The following ALDH1A1 variants were observed in gnomAD, a reference collection of about 807,000 sequenced individuals.
ALDH1A1 encodes the protein aldehyde dehydrogenase 1 family member A1.
Under a neutral mutation model 62.1 loss-of-function variants are expected in ALDH1A1, and 19 were observed. The observed-to-expected ratio is 0.31, with a 90% CI of 0.21 to 0.45. The LOEUF is 0.45. Ranked by LOEUF, ALDH1A1 falls within the 20% of genes least tolerant of loss-of-function variation. The probability of loss-of-function intolerance (pLI) is 1.00; values close to 1 mark genes in which losing one functional copy is unlikely to be tolerated. For missense variants in ALDH1A1, 521 were observed against 607.1 expected (o/e 0.86, Z 1.49); for synonymous variants, 231 against 215.9 (o/e 1.07, Z -0.61).
chr9:72,937,085 C>T (rs148652443), intron 2 of ALDH1A1, among the ~76,000 whole-genome samples: 36 of 152,060 alleles, frequency 2.4e-4, no homozygotes, highest in African/African-American at 8.7e-4. Flanking sequence ...TCTGCCATAG[C>T]CAATAGTCAG....
chr9:72,926,415 A>C (rs1387515941), intron 5 of ALDH1A1, among the ~76,000 whole-genome samples: 2 of 152,228 alleles, frequency 1.3e-5, no homozygotes, highest in African/African-American at 2.4e-5. Flanking sequence ...ATTTCTTCAC[A>C]TAAGGACTTC....
intron 1 of ALDH1A1, 110 bp downstream of exon 1, chr9:72,952,825 T>C: frequency 1.6e-6 from 2 of 1,250,052 alleles, no homozygotes; most frequent in East Asian, 5.0e-5. Context: ...TTTATTTTTA[T>C]ATTTGCAAAG....
chr9:72,915,811 C>T (rs763963239), intron 9 of ALDH1A1, among the ~76,000 whole-genome samples: 3 of 152,148 alleles, frequency 2.0e-5, no homozygotes, highest in Non-Finnish European at 4.4e-5. Context: ...TTTGGCATTG[C>T]CAGGTACCCA....
chr9:72,917,549 G>T (rs566470071), intron 8 of ALDH1A1, among the ~76,000 whole-genome samples: 3 of 152,154 alleles, frequency 2.0e-5, no homozygotes, highest in African/African-American at 7.2e-5. Context: ...AACAGGAAAT[G>T]TGATCTTTGT....
At chr9:72,920,205 A>G (rs1021651687) in intron 7 of ALDH1A1, among the ~76,000 whole-genome samples, 2 of 152,208 alleles carry the variant, frequency 1.3e-5, no homozygotes, top group Admixed American at 6.5e-5. Flanking sequence ...TGTGAATTAC[A>G]GAATAGGGCA....
chr9:72,942,577 G>C (rs1830427584), intron 1 of ALDH1A1, among the ~76,000 whole-genome samples: 1 of 152,048 alleles, frequency 6.6e-6, no homozygotes. Flanking sequence ...GCCCTCCTCA[G>C]AATACTTTAG....
rs571253117 is a variant in ALDH1A1, at chr9:72,905,421, T to C, written c.1433+537A>G. ...TGTTTTCCTCAAATTTCCTTTTAGG[T>C]TTAAGTTTTAATACTAAAAATAACT... On this transcript the variant is annotated intron_variant, in intron 12 of 12. Transcript: ENST00000297785. Among the ~76,000 whole-genome samples the C allele has an allele frequency of 5.3e-5, 8 of 152,212 alleles. No homozygotes were observed. In the South Asian group the frequency reaches 1.7e-3, roughly 32 times the overall value.
At chr9:72,925,635 A>G (rs1830195510) in intron 5 of ALDH1A1, 23 bp from the exon 6 acceptor site, 2 of 1,608,400 alleles carry the variant, frequency 1.2e-6, no homozygotes, top group African/African-American at 1.3e-5. Flanking sequence ...ATGTAACAAT[A>G]GATTCTTTGT....
At chr9:72,912,645 TC>T (rs1830006795) in intron 9 of ALDH1A1, among the ~76,000 whole-genome samples, 1 of 152,134 alleles carries the variant, frequency 6.6e-6, no homozygotes, top group Admixed American at 6.6e-5. Flanking sequence ...CCCTTGGATA[TC>T]CCATTCTGAC....
Position 72,903,120 on chromosome 9 carries a change from C to T in ALDH1A1, c.1434-1840G>A, listed in dbSNP as rs539530367. 1.0e-3 allele frequency among the ~76,000 whole-genome samples: 158 copies of T among 152,088 alleles called. 1 individual carries two copies. The highest frequency in any genetic ancestry group is 2.1e-3 in the East Asian group (11 of 5,178). ...AAAATTCATTTGTGTTCTCACTATA[C>T]GACCATTAGTTTACACTTCCTTGCT... On this transcript the variant is annotated intron_variant, in intron 12 of 12. Transcript: ENST00000297785.
chr9:72,932,851 A>G (rs1357004883), intron 2 of ALDH1A1, among the ~76,000 whole-genome samples: 1 of 152,204 alleles, frequency 6.6e-6, no homozygotes, highest in African/African-American at 2.4e-5. Context: ...GTGTTTAAAC[A>G]GATCTGTATG....
Position 72,930,924 on chromosome 9 carries a change from T to C in ALDH1A1, c.267A>G (p.Leu89=). The C allele has an allele frequency of 1.9e-6, 3 of 1,614,052 alleles. No individual in the cohort carries two copies. The highest frequency in any genetic ancestry group is 2.5e-6 in the Non-Finnish European group (3 of 1,179,952). Residue 89 remains leucine, a synonymous_variant, in exon 3 of 13, where the codon TTA becomes TTG. Transcript: ENST00000297785. ...TMDASERGRL[L]YKLADLIERD... is the part of the protein sequence containing the mutation. ...TTTCGATTAAATCAGCCAACTTGTA[T>C]AATAGTCGCCCCCTCTCGGAAGCAT...
rs1830171601 is a variant in ALDH1A1 at position 72,923,871 on chromosome 9, T to C, written c.747+148A>G. 4 of 541,722 alleles carry C rather than the reference T, an allele frequency of 7.4e-6. No homozygotes were observed. In the Middle Eastern group the frequency reaches 9.0e-4, roughly 123 times the overall value. 33.6% of individuals were successfully genotyped at this position (541,722 alleles called of 1,614,324 possible). A position where few individuals can be genotyped will look rare whatever the true frequency, so the allele number is the denominator to read the frequency against. ...TCAAACTACATCTGCTTATATTCTA[T>C]CCATATGTTTGAAGGCTAAAATAAG... is the stretch of plus-strand genomic sequence containing the variant. On this transcript the variant is annotated intron_variant, in intron 7 of 12. Transcript: ENST00000297785.
chr9:72,940,344 TGCCTAA>T, intron 1 of ALDH1A1, 92 bp from the exon 2 acceptor site: 1 of 877,726 alleles, frequency 1.1e-6, no homozygotes, highest in African/African-American at 1.7e-5. Flanking sequence ...CATTTCACCA[TGCCTAA>T]ATGATGCACA....
intron 7 of ALDH1A1, among the ~76,000 whole-genome samples, chr9:72,922,061 G>T (rs899936331): frequency 2.6e-5 from 4 of 152,118 alleles, no homozygotes; most frequent in South Asian, 2.1e-4. Flanking sequence ...TGGAGAAAAA[G>T]AAATATTGGG....
intron 12 of ALDH1A1, among the ~76,000 whole-genome samples, 180 bp from the exon 13 acceptor site, chr9:72,901,460 A>G (rs1564618268): frequency 6.6e-6 from 1 of 152,108 alleles, no homozygotes; most frequent in Non-Finnish European, 1.5e-5. Context: ...GGTCTTACAC[A>G]GATTCCCTTG....
intron 10 of ALDH1A1, among the ~76,000 whole-genome samples, chr9:72,910,858 A>G (rs1006937780): frequency 1.3e-5 from 2 of 152,186 alleles, no homozygotes; most frequent in Non-Finnish European, 2.9e-5. Context: ...AACCATATAC[A>G]CAGCAGCTAC....
rs781676405 is a variant in ALDH1A1, at chr9:72,928,968, A to G, written c.366T>C (p.Asp122=). The part of the protein sequence containing the change: ...GKLYSNAYLN[D]LAGCIKTLRY... ...GCAATGTTTTGATGCAGCCTGCTAA[A>G]TCATTCAGATATGCATTGGAATAGA... The change falls in exon 4 of 13, where the codon GAT becomes GAC. Residue 122 remains aspartate (D), a synonymous_variant. Transcript: ENST00000297785. 5.0e-6 allele frequency: 8 copies of G among 1,614,024 alleles called. No individual in the cohort carries two copies. Among genetic ancestry groups the G allele is most frequent in the Non-Finnish European group, 5.9e-6 (7 of 1,179,936 alleles).
chr9:72,915,407 C>T (rs967444767), intron 9 of ALDH1A1, among the ~76,000 whole-genome samples: 29 of 151,892 alleles, frequency 1.9e-4, no homozygotes, highest in Non-Finnish European at 3.8e-4. Flanking sequence ...AATCCATCAA[C>T]AAAATAAGAA....
Sources: allele counts gnomAD v4.1 joint callset (sites outside exome capture counted in the v4.1 genomes callset), GRCh38; gene constraint gnomAD v4.1.1; transcripts MANE v1.5; gene names NCBI Gene and HGNC (gene_info 2026-07-23, HGNC 2026-07-21).